MAGI1: variants seen among roughly 807,000 people sequenced by gnomAD.
The protein encoded by MAGI1 is membrane-associated guanylate kinase, WW and PDZ domain-containing protein 1.
In MAGI1, 58 loss-of-function variants were observed where a neutral mutation model predicts 139.9. That is an observed-to-expected ratio of 0.41 (90% CI 0.34 to 0.52). The LOEUF (loss-of-function observed/expected upper bound fraction) is 0.52. Ranked by LOEUF, MAGI1 falls within the 20% of genes least tolerant of loss-of-function variation. The probability of loss-of-function intolerance (pLI) is 0.12; values close to 1 mark genes in which losing one functional copy is unlikely to be tolerated. For missense variants in MAGI1, 1,874 were observed against 1,901.6 expected, an observed-to-expected ratio of 0.99 and a Z score of 0.27; for synonymous variants, 812 against 737.9, an observed-to-expected ratio of 1.10 and a Z score of -1.63.
intron 2 of MAGI1, among the ~76,000 whole-genome samples, chr3:65,575,507 T>A (rs1304121488): frequency 1.3e-5 from 2 of 152,118 alleles, no homozygotes; most frequent in Non-Finnish European, 2.9e-5. Flanking sequence ...GACCCAGTAA[T>A]TCCACCCACA....
At position 65,530,759 on chromosome 3, in the gene MAGI1, A is replaced by ACG. The variant is rs1559642810; in HGVS notation, c.431-37129_431-37128insCG. On this transcript the variant is annotated intron_variant, in intron 2 of 22. Transcript: ENST00000402939. ...TATATATGCACATATATATACACGTATATATATATATATACACACATATAT... is the reference window on the plus strand; with the variant it reads ...TATATATGCACATATATATACACGTACGTATATATATATATACACACATATAT... Among the ~76,000 whole-genome samples, 16 of 10,942 alleles carry ACG rather than the reference A, an allele frequency of 1.5e-3. 2 individuals are homozygous for ACG. Among genetic ancestry groups the ACG allele is most frequent in the African/African-American group, 5.1e-3 (16 of 3,126 alleles). 7.2% of individuals were successfully genotyped at this position (10,942 alleles called of 152,430 possible). A position where few individuals can be genotyped will look rare whatever the true frequency, so the allele number is the denominator to read the frequency against.
rs748544400 is a variant in MAGI1 at position 65,702,414 on chromosome 3, C to T, written c.314-80326G>A. Reference sequence around the variant, plus strand: ...TCATGGGACCATGTGCAGGCTACCCCAGGAGACATCTCTCACATGGCAGAG... The same window carrying T: ...TCATGGGACCATGTGCAGGCTACCCTAGGAGACATCTCTCACATGGCAGAG... On this transcript the variant is annotated intron_variant, in intron 1 of 22. Transcript: ENST00000402939. 7.7e-4 allele frequency among the ~76,000 whole-genome samples: 117 copies of T among 152,294 alleles called. 1 individual carries two copies. Among genetic ancestry groups the T allele is most frequent in the Admixed American group, 4.4e-3 (67 of 15,298 alleles).
At chr3:65,480,752 A>G (rs1191031850) in intron 3 of MAGI1, among the ~76,000 whole-genome samples, 1 of 151,574 alleles carries the variant, frequency 6.6e-6, no homozygotes, top group Non-Finnish European at 1.5e-5. Context: ...CGCCTGGCTA[A>G]CTTTTTTGTA....
At chr3:65,762,011 T>A (rs1452698208) in intron 1 of MAGI1, among the ~76,000 whole-genome samples, 1 of 151,864 alleles carries the variant, frequency 6.6e-6, no homozygotes, top group Non-Finnish European at 1.5e-5. Context: ...TAGAGCAGAC[T>A]GGAGTAAGAG....
intron 1 of MAGI1, among the ~76,000 whole-genome samples, chr3:65,662,813 A>G (rs756827283): frequency 2.0e-5 from 3 of 152,294 alleles, no homozygotes; most frequent in South Asian, 2.1e-4. Flanking sequence ...TTTACCACAC[A>G]TAACTACAAC....
At chr3:65,694,669 G>A (rs1425823100) in intron 1 of MAGI1, among the ~76,000 whole-genome samples, 2 of 152,322 alleles carry the variant, frequency 1.3e-5, no homozygotes, top group Middle Eastern at 3.4e-3. Context: ...ACAATGTGCT[G>A]CAAATAGTAG....
At chr3:65,489,986 G>A (rs1951890402) in intron 3 of MAGI1, among the ~76,000 whole-genome samples, 1 of 152,188 alleles carries the variant, frequency 6.6e-6, no homozygotes. Context: ...CAGAGGTCTG[G>A]AGAAAGCAAT....
rs58391331 is a variant in MAGI1, at chr3:65,846,976, C to CAAAAA, written c.313+191015_313+191019dup. On this transcript the variant is annotated intron_variant, in intron 1 of 22. Transcript: ENST00000402939. ...GATTACAAAGAATAGCAATGTCTTA[C>CAAAAA]AAAAAAAAAAAAAAAAAAAACCCTA... is the stretch of plus-strand genomic sequence containing the variant. Among the ~76,000 whole-genome samples, 168 of 80,950 alleles carry CAAAAA rather than the reference C, an allele frequency of 2.1e-3. 9 individuals carry two copies. The highest frequency in any genetic ancestry group is 5.8e-3 in the African/African-American group (118 of 20,248). 53.1% of individuals were successfully genotyped at this position (80,950 alleles called of 152,430 possible).
At chr3:65,943,639 TTG>T (rs537860233) in intron 1 of MAGI1, among the ~76,000 whole-genome samples, 17 of 150,406 alleles carry the variant, frequency 1.1e-4, no homozygotes, top group Non-Finnish European at 1.5e-4. Context: ...GTGTGTGTGA[TTG>T]TGTGTGTGTG....
At chr3:65,530,778 C>T (rs1284731034) in intron 2 of MAGI1, among the ~76,000 whole-genome samples, 5 of 70,116 alleles carry the variant, frequency 7.1e-5, no homozygotes, top group Middle Eastern at 7.6e-3. Context: ...TATATACACA[C>T]ATATATATAC....
In MAGI1 at chr3:65,379,380, C is replaced by G. The variant is rs1202229746; in HGVS notation, c.2876G>C (p.Ser959Thr). ...SGIGSGGGGG[S>T]GVVSTVVQPY... ...CTGCACCACGGTGCTGACCACGCCG[C>G]TGCCCCCGCCGCCGCCACTGCCGAT... The change falls in exon 17 of 23, where the codon AGC (serine) becomes ACC (threonine). Residue 959 changes from serine (S) to threonine (T), a missense_variant. Physicochemically the swap from Ser to Thr is moderately conservative, Grantham distance 58. Coordinates refer to ENST00000402939, the MANE Select transcript of MAGI1 (RefSeq NM_001033057.2). The G allele has an allele frequency of 1.2e-6, 2 of 1,612,430 alleles. No homozygotes were observed. The highest frequency in any genetic ancestry group is 1.7e-6 in the Non-Finnish European group (2 of 1,179,138).
intron 1 of MAGI1, among the ~76,000 whole-genome samples, chr3:65,664,437 A>T (rs933316497): frequency 6.6e-6 from 1 of 152,180 alleles, no homozygotes; most frequent in South Asian, 2.1e-4. Flanking sequence ...ACAACCCTAC[A>T]AGGTAGCTTC....
chr3:65,574,344 T>C (rs967504214), intron 2 of MAGI1, among the ~76,000 whole-genome samples: 2 of 150,086 alleles, frequency 1.3e-5, no homozygotes, highest in African/African-American at 4.9e-5. Flanking sequence ...ATAGATATTT[T>C]CAGGAACAAA....
At chr3:65,496,806 G>A (rs1455745115) in intron 2 of MAGI1, among the ~76,000 whole-genome samples, 1 of 152,124 alleles carries the variant, frequency 6.6e-6, no homozygotes, top group Non-Finnish European at 1.5e-5. Flanking sequence ...AAGTATCCTA[G>A]CACTTAAAAT....
chr3:65,940,435 G>A (rs2063253642), intron 1 of MAGI1, among the ~76,000 whole-genome samples: 2 of 152,166 alleles, frequency 1.3e-5, no homozygotes, highest in Non-Finnish European at 2.9e-5. Context: ...GATATGGACT[G>A]CCATCTTCTC....
At chr3:66,001,585 GA>G in intron 1 of MAGI1, among the ~76,000 whole-genome samples, 1 of 152,252 alleles carries the variant, frequency 6.6e-6, no homozygotes, top group South Asian at 2.1e-4. Context: ...TATACAGGGG[GA>G]AACTGAGGCT....
Position 65,621,967 on chromosome 3 carries a change from C to T in MAGI1, c.430+5G>A. 6.3e-7 allele frequency: 1 copy of T among 1,591,914 alleles called. No individual in the cohort carries two copies. Among genetic ancestry groups the T allele is most frequent in the Non-Finnish European group, 8.6e-7 (1 of 1,162,268 alleles). ...GCAGTGAGATGCCAAAGTCCAACTA[C>T]TTACAAGGCACAGCATGGCGGTAAA... is the stretch of plus-strand genomic sequence containing the variant. On this transcript the variant is annotated splice_donor_5th_base_variant and intron_variant, in intron 2 of 22. Transcript: ENST00000402939.
At chr3:65,796,397 GGT>G (rs543726070) in intron 1 of MAGI1, among the ~76,000 whole-genome samples, 32 of 152,256 alleles carry the variant, frequency 2.1e-4, no homozygotes, top group African/African-American at 7.5e-4. Context: ...CATCCAGACT[GGT>G]GTTTCACCAA....
At chr3:65,956,440 C>T (rs2064131113) in intron 1 of MAGI1, among the ~76,000 whole-genome samples, 1 of 152,148 alleles carries the variant, frequency 6.6e-6, no homozygotes, top group African/African-American at 2.4e-5. Flanking sequence ...AATGGCCCCA[C>T]CTTCAGTTAA....
Sources: gnomAD v4.1 joint callset for allele counts (sites outside exome capture counted in the v4.1 genomes callset) on GRCh38, gnomAD v4.1.1 for gene constraint, MANE v1.5 for transcripts, NCBI Gene and HGNC (gene_info 2026-07-23, HGNC 2026-07-21) for gene names.